The following GALNT17 variants were observed in gnomAD, a reference collection of about 807,000 sequenced individuals.
The protein encoded by GALNT17 is polypeptide N-acetylgalactosaminyltransferase 17.
GALNT17 carries 29 observed loss-of-function variants against 63.7 expected under a neutral mutation model. That is an observed-to-expected ratio of 0.46 (90% CI 0.34 to 0.62). GALNT17 has a LOEUF of 0.62. Among genes scored for constraint, GALNT17 ranks in the 20% least tolerant of loss-of-function variants. The pLI, the probability that GALNT17 is intolerant of heterozygous loss-of-function variation, is 0.01. For missense variants in GALNT17, 603 were observed against 799.6 expected (o/e 0.75, Z 2.97); for synonymous variants, 305 against 318.3 (o/e 0.96, Z 0.45).
At chr7:71,674,248 AG>A (rs1299537285) in intron 8 of GALNT17, among the ~76,000 whole-genome samples, 2 of 152,118 alleles carry the variant, frequency 1.3e-5, no homozygotes, top group African/African-American at 2.4e-5. Flanking sequence ...CTACCTGCTG[AG>A]TATCACCATT....
At chr7:71,701,815 A>ATATGTG (rs1470544709) in intron 9 of GALNT17, among the ~76,000 whole-genome samples, 1 of 7,596 alleles carries the variant, frequency 1.3e-4, no homozygotes, top group Non-Finnish European at 5.1e-4. Context: ...ATATATATAT[A>ATATGTG]CACATATATA....
At chr7:71,489,263 C>T (rs1334636676) in intron 5 of GALNT17, among the ~76,000 whole-genome samples, 1 of 152,090 alleles carries the variant, frequency 6.6e-6, no homozygotes, top group East Asian at 1.9e-4. Context: ...CTCTAAGAAC[C>T]TTCAGATGGG....
At chr7:71,427,902 T>A (rs1229755761) in intron 5 of GALNT17, among the ~76,000 whole-genome samples, 3 of 152,044 alleles carry the variant, frequency 2.0e-5, no homozygotes, top group Admixed American at 2.0e-4. Context: ...ACGTGTTGCT[T>A]ATGAGATAAT....
At chr7:71,312,561 A>T (rs774464663) in intron 1 of GALNT17, among the ~76,000 whole-genome samples, 1 of 152,164 alleles carries the variant, frequency 6.6e-6, no homozygotes, top group Non-Finnish European at 1.5e-5. Context: ...GAAATCCAAG[A>T]TGAAGGTGCT....
chr7:71,450,372 T>A (rs1787239493), intron 5 of GALNT17, among the ~76,000 whole-genome samples: 1 of 152,040 alleles, frequency 6.6e-6, no homozygotes, highest in South Asian at 2.1e-4. Flanking sequence ...CCTCAAGTGA[T>A]CCACCTGTGT....
intron 5 of GALNT17, among the ~76,000 whole-genome samples, chr7:71,552,181 A>G (rs1047054540): frequency 2.0e-5 from 3 of 151,866 alleles, no homozygotes; most frequent in African/African-American, 4.8e-5. Context: ...CATAGCTGGG[A>G]CTACAGGAGC....
intron 6 of GALNT17, among the ~76,000 whole-genome samples, chr7:71,599,694 A>G (rs528239801): frequency 6.6e-6 from 1 of 151,834 alleles, no homozygotes; most frequent in Admixed American, 6.6e-5. Flanking sequence ...GGATGCTTCT[A>G]AACATCCTAC....
rs1358649075 is a variant in GALNT17 at position 71,144,529 on chromosome 7, T to A, written c.238+11489T>A. ...AGACATTGTCATCTAATTGGAAGGATACATTTGTAATGTTACCAGGTATAC... is the reference window on the plus strand; with the variant it reads ...AGACATTGTCATCTAATTGGAAGGAAACATTTGTAATGTTACCAGGTATAC... On this transcript the variant is annotated intron_variant, in intron 1 of 10. Coordinates refer to ENST00000333538, the MANE Select transcript of GALNT17 (RefSeq NM_022479.3). Among the ~76,000 whole-genome samples the A allele has an allele frequency of 3.3e-5, 5 of 152,170 alleles. No individual in the cohort carries two copies. In the East Asian group the frequency reaches 7.7e-4, roughly 24 times the overall value.
At chr7:71,461,748 G>C (rs1787454008) in intron 5 of GALNT17, among the ~76,000 whole-genome samples, 1 of 152,128 alleles carries the variant, frequency 6.6e-6, no homozygotes, top group African/African-American at 2.4e-5. Context: ...TGCCAGGCGG[G>C]TCCTCCTGCT....
intron 3 of GALNT17, among the ~76,000 whole-genome samples, chr7:71,391,277 C>T (rs78521008): frequency 0.014 from 2,171 of 152,150 alleles, 53 homozygotes; most frequent in African/African-American, 0.05. Context: ...CTGCCAATGG[C>T]GCACCCTCTC....
chr7:71,528,692 A>T (rs185017535), intron 5 of GALNT17, among the ~76,000 whole-genome samples: 18 of 152,338 alleles, frequency 1.2e-4, no homozygotes, highest in Admixed American at 4.6e-4. Flanking sequence ...TACATGACCA[A>T]AACGGGTGCA....
At chr7:71,573,956 G>A (rs750790252) in intron 6 of GALNT17, among the ~76,000 whole-genome samples, 1 of 152,108 alleles carries the variant, frequency 6.6e-6, no homozygotes, top group African/African-American at 2.4e-5. Context: ...GCATTAATTC[G>A]ATTAGGATAA....
chr7:71,601,925 T>C (rs953114433), intron 6 of GALNT17, among the ~76,000 whole-genome samples: 1 of 152,372 alleles, frequency 6.6e-6, no homozygotes, highest in East Asian at 1.9e-4. Context: ...TATGACTTTC[T>C]CCTGGTGCCT....
At chr7:71,133,071 C>T (rs1343218360) in intron 1 of GALNT17, 31 bp downstream of exon 1, 2 of 1,498,022 alleles carry the variant, frequency 1.3e-6, no homozygotes, top group Non-Finnish European at 1.8e-6. Flanking sequence ...CTCCGGGGCT[C>T]GACGCGGGCG....
chr7:71,265,118 A>ATATATTTTTTTTTTTT (rs1390488895), intron 1 of GALNT17, among the ~76,000 whole-genome samples: 1 of 37,458 alleles, frequency 2.7e-5, no homozygotes, highest in Non-Finnish European at 6.8e-5. Context: ...ATATATATAT[A>ATATATTTTTTTTTTTT]TTTTTTTTTT....
chr7:71,202,452 T>G (rs1372850891), intron 1 of GALNT17, among the ~76,000 whole-genome samples: 1 of 152,258 alleles, frequency 6.6e-6, no homozygotes, highest in East Asian at 1.9e-4. Context: ...CATTTAACTT[T>G]ATGTCACAAA....
At chr7:71,267,488 C>G (rs1358027056) in intron 1 of GALNT17, among the ~76,000 whole-genome samples, 2 of 151,740 alleles carry the variant, frequency 1.3e-5, no homozygotes, top group East Asian at 1.9e-4. Flanking sequence ...CTAGAAATAG[C>G]AGACACCAGT....
intron 6 of GALNT17, among the ~76,000 whole-genome samples, chr7:71,573,435 A>G (rs1789485004): frequency 6.6e-6 from 1 of 152,054 alleles, no homozygotes; most frequent in Non-Finnish European, 1.5e-5. Context: ...GGTTCACGCC[A>G]TTCTCCCACC....
At chr7:71,691,063 C>A (rs1450905833) in intron 9 of GALNT17, among the ~76,000 whole-genome samples, 1 of 152,170 alleles carries the variant, frequency 6.6e-6, no homozygotes, top group East Asian at 1.9e-4. Context: ...TAAAATGCTA[C>A]TAACCAGCAT....
Sources: gnomAD v4.1 joint callset for allele counts (sites outside exome capture counted in the v4.1 genomes callset) on GRCh38, gnomAD v4.1.1 for gene constraint, MANE v1.5 for transcripts, NCBI Gene and HGNC (gene_info 2026-07-23, HGNC 2026-07-21) for gene names.